The following ARHGAP25 variants were observed in gnomAD, a reference collection of about 807,000 sequenced individuals.
ARHGAP25 encodes the protein Rho GTPase activating protein 25.
A neutral mutation model predicts 71.0 loss-of-function variants in ARHGAP25; 34 were observed. That is an observed-to-expected ratio of 0.48 (90% confidence interval 0.36 to 0.64). ARHGAP25 has a LOEUF of 0.64. Ranked by LOEUF, ARHGAP25 falls within the 30% of genes least tolerant of loss-of-function variation. The probability of loss-of-function intolerance (pLI) is 0.00; values close to 1 mark genes in which losing one functional copy is unlikely to be tolerated. For synonymous variants in ARHGAP25, 282 were observed against 296.5 expected (o/e 0.95, Z 0.50); for missense variants, 706 against 805.1 (o/e 0.88, Z 1.49).
At chr2:68,740,301 T>C (rs1211802798) in intron 1 of ARHGAP25, among the ~76,000 whole-genome samples, 1 of 152,222 alleles carries the variant, frequency 6.6e-6, no homozygotes, top group Non-Finnish European at 1.5e-5. Context: ...CACAGTGATT[T>C]TCCTGCACAT....
At chr2:68,817,251 GT>G (rs1681303331) in intron 7 of ARHGAP25, among the ~76,000 whole-genome samples, 1 of 152,116 alleles carries the variant, frequency 6.6e-6, no homozygotes, top group South Asian at 2.1e-4. Flanking sequence ...TTGAAATTGT[GT>G]TGCTTCATTC....
At chr2:68,812,001 G>A (rs182230998) in intron 5 of ARHGAP25, among the ~76,000 whole-genome samples, 35 of 152,272 alleles carry the variant, frequency 2.3e-4, no homozygotes, top group Non-Finnish European at 4.3e-4. Flanking sequence ...TCAGCTTCAG[G>A]AATATGGTAG....
chr2:68,776,838 G>A lies in ARHGAP25; in HGVS notation c.261+1418G>A, dbSNP rs75717127. Among the ~76,000 whole-genome samples the A allele has an allele frequency of 1.1e-3, 170 of 152,234 alleles. 2 individuals carry two copies. In the East Asian group the frequency reaches 0.03, roughly 26 times the overall value. ...CAGAACAAAATCCCGAGAAAGGCAA[G>A]GACAAGAAGTGTGTAGATATTGGGG... On this transcript the variant is annotated intron_variant, in intron 2 of 10. Coordinates refer to ENST00000409202, the MANE Select transcript of ARHGAP25 (RefSeq NM_001007231.3).
chr2:68,743,576 C>G (rs1244612610), intron 1 of ARHGAP25, among the ~76,000 whole-genome samples: 1 of 152,156 alleles, frequency 6.6e-6, no homozygotes, highest in African/African-American at 2.4e-5. Flanking sequence ...CATTCAGAAG[C>G]CAGAAATCCA....
chr2:68,754,448 G>C (rs1317677817), intron 1 of ARHGAP25, among the ~76,000 whole-genome samples: 1 of 152,180 alleles, frequency 6.6e-6, no homozygotes, highest in African/African-American at 2.4e-5. Context: ...TTTTATTGTT[G>C]AGTGGTATTC....
At chr2:68,756,161 C>T (rs1313418322) in intron 1 of ARHGAP25, among the ~76,000 whole-genome samples, 1 of 152,204 alleles carries the variant, frequency 6.6e-6, no homozygotes, top group East Asian at 1.9e-4. Context: ...AGTTTCAGCT[C>T]TTAACACAAT....
At chr2:68,747,996 G>C (rs536263029) in intron 1 of ARHGAP25, among the ~76,000 whole-genome samples, 4 of 152,220 alleles carry the variant, frequency 2.6e-5, no homozygotes, top group African/African-American at 9.6e-5. Context: ...GGCCAGACTC[G>C]ACATCTTTTA....
At chr2:68,728,981 A>C (rs559805157) in intron 2 of ARHGAP25, among the ~76,000 whole-genome samples, 1 of 152,334 alleles carries the variant, frequency 6.6e-6, no homozygotes, top group South Asian at 2.1e-4. Context: ...TGCAAAGGGA[A>C]AGAAGCCGGT....
intron 8 of ARHGAP25, among the ~76,000 whole-genome samples, 184 bp downstream of exon 8, chr2:68,818,178 A>C (rs58475093): frequency 1.3e-5 from 2 of 152,230 alleles, no homozygotes; most frequent in African/African-American, 4.8e-5. Context: ...TCAGATCACA[A>C]CAAAGGACAG....
At chr2:68,807,609 A>G in intron 5 of ARHGAP25, 129 bp downstream of exon 5, 1 of 926,252 alleles carries the variant, frequency 1.1e-6, no homozygotes, top group Non-Finnish European at 1.6e-6. Context: ...CTTACAACAG[A>G]AAGAGCCTTT....
chr2:68,784,845 T>A (rs1558635904), intron 3 of ARHGAP25, among the ~76,000 whole-genome samples: 1 of 152,216 alleles, frequency 6.6e-6, no homozygotes, highest in African/African-American at 2.4e-5. Flanking sequence ...TCTGATAGGA[T>A]AGCAATTATG....
intron 1 of ARHGAP25, among the ~76,000 whole-genome samples, chr2:68,745,133 G>T (rs918596590): frequency 6.6e-5 from 10 of 152,154 alleles, no homozygotes; most frequent in Non-Finnish European, 1.3e-4. Flanking sequence ...CTTTGACTTT[G>T]GGCAAGTCAC....
At chr2:68,752,073 C>A (rs1676212546) in intron 1 of ARHGAP25, among the ~76,000 whole-genome samples, 1 of 152,202 alleles carries the variant, frequency 6.6e-6, no homozygotes, top group African/African-American at 2.4e-5. Flanking sequence ...TAAAATTCTT[C>A]TGGACCTCAC....
At chr2:68,734,598 G>A (rs546606244), upstream of ARHGAP25, among the ~76,000 whole-genome samples, 1 of 152,298 alleles carries the variant, frequency 6.6e-6, no homozygotes, top group African/African-American at 2.4e-5. Context: ...AGTAGATGAT[G>A]GGAGTTTCGA....
chr2:68,822,822 A>G lies in ARHGAP25; in HGVS notation c.1683A>G (p.Leu561=). 1.2e-6 allele frequency: 2 copies of G among 1,613,798 alleles called. No individual in the cohort carries two copies. The highest frequency in any genetic ancestry group is 1.7e-6 in the Non-Finnish European group (2 of 1,179,950). ...CTTTGCAGAGGATGGTCCAAGAGCT[A>G]CGAAAGGAAATAGAAACACAGAAGC... ...IDSLQRMVQE[L]RKEIETQKQM... is the part of the protein sequence containing the mutation. Residue 561 remains leucine, a synonymous_variant, in exon 10 of 11, where the codon CTA becomes CTG. Transcript: ENST00000409202.
At chr2:68,764,450 T>TC (rs1677007961) in intron 1 of ARHGAP25, among the ~76,000 whole-genome samples, 1 of 152,084 alleles carries the variant, frequency 6.6e-6, no homozygotes, top group Non-Finnish European at 1.5e-5. Context: ...AGTTAAGGGG[T>TC]TAAGGGAGGG....
intron 4 of ARHGAP25, among the ~76,000 whole-genome samples, chr2:68,806,566 G>A (rs1401902287): frequency 1.3e-5 from 2 of 152,178 alleles, no homozygotes; most frequent in African/African-American, 4.8e-5. Context: ...CGCGACTCCT[G>A]GGCAAGTAGT....
intron 9 of ARHGAP25, among the ~76,000 whole-genome samples, chr2:68,821,958 T>C (rs1284500963): frequency 6.6e-6 from 1 of 151,310 alleles, no homozygotes; most frequent in Non-Finnish European, 1.5e-5. Flanking sequence ...TGTTCTTTTG[T>C]TTTTATTTTT....
In ARHGAP25 at chr2:68,816,474, T is replaced by C. The variant is rs1048944787; in HGVS notation, c.881+112T>C. 4 of 848,668 alleles carry C rather than the reference T, an allele frequency of 4.7e-6. No individual in the cohort carries two copies. The African/African-American group carries it at 5.1e-5, about 11-fold the overall frequency. The allele number at this position is 848,668 out of a possible 1,614,324, so 52.6% of individuals were successfully genotyped here. Reference sequence around the variant, plus strand: ...ACAGAGAGATTCTGGTCTAGCACTTTGGAAGATCAGCTGTATTCACATAGC... The same window carrying C: ...ACAGAGAGATTCTGGTCTAGCACTTCGGAAGATCAGCTGTATTCACATAGC... On this transcript the variant is annotated intron_variant, in intron 7 of 10. Coordinates refer to ENST00000409202, the MANE Select transcript of ARHGAP25 (RefSeq NM_001007231.3).
Sources: allele counts gnomAD v4.1 joint callset (sites outside exome capture counted in the v4.1 genomes callset), GRCh38; gene constraint gnomAD v4.1.1; transcripts MANE v1.5; gene names NCBI Gene and HGNC (gene_info 2026-07-23, HGNC 2026-07-21).